The following FRYL variants were observed in gnomAD, a reference collection of about 807,000 sequenced individuals.
FRYL encodes the protein protein furry homolog-like.
Under a neutral mutation model 351.2 loss-of-function variants are expected in FRYL, and 150 were observed. The ratio of observed to expected loss-of-function variants is 0.43; its 90% CI spans 0.37 to 0.49. The LOEUF (loss-of-function observed/expected upper bound fraction) is 0.49, where lower values mean the gene tolerates loss of function less well. FRYL is among the 20% of genes least tolerant of loss of function. FRYL has a pLI of 0.00. For missense variants in FRYL, 3,036 were observed against 3,619.3 expected, an observed-to-expected ratio of 0.84 and a Z score of 4.13; for synonymous variants, 1,153 against 1,257.1, an observed-to-expected ratio of 0.92 and a Z score of 1.75.
In FRYL at chr4:48,742,433, T is replaced by A. The variant is rs1346484705; in HGVS notation, c.-383-31735A>T. ...CTCAATCTTCATTCCTAGTTCTTAC[T>A]CTCCCAACTTCATCATGTTGGATGC... is the stretch of plus-strand genomic sequence containing the variant. On this transcript the variant is annotated intron_variant, in intron 1 of 63. Coordinates refer to ENST00000358350, the MANE Select transcript of FRYL (RefSeq NM_015030.2). Among the ~76,000 whole-genome samples the A allele has an allele frequency of 2.0e-5, 3 of 152,296 alleles. No individual in the cohort carries two copies. The East Asian group carries it at 5.8e-4, about 29-fold the overall frequency.
intron 3 of FRYL, among the ~76,000 whole-genome samples, chr4:48,652,957 T>A (rs1031851104): frequency 6.6e-6 from 1 of 152,224 alleles, no homozygotes; most frequent in Non-Finnish European, 1.5e-5. Context: ...TAATAGAACC[T>A]GTGTTTACTT....
chr4:48,592,082 TTATATATATATATATA>T (rs56320005), intron 16 of FRYL, among the ~76,000 whole-genome samples: 4,009 of 116,206 alleles, frequency 0.034, 234 homozygotes, highest in Admixed American at 0.053. Context: ...AATAAAGCTC[TTATATATATATATATA>T]TATATATATA....
intron 1 of FRYL, among the ~76,000 whole-genome samples, chr4:48,745,535 T>C (rs1286294385): frequency 6.6e-6 from 1 of 151,828 alleles, no homozygotes; most frequent in African/African-American, 2.4e-5. Flanking sequence ...TTCTCACTCA[T>C]AGGTGGGAAC....
At chr4:48,603,236 C>A in intron 12 of FRYL, 54 bp downstream of exon 12, 2 of 1,163,682 alleles carry the variant, frequency 1.7e-6, no homozygotes, top group South Asian at 1.3e-5. Flanking sequence ...ATTCATAAAT[C>A]AATTACTAAA....
At chr4:48,679,324 C>T (rs1197729435) in intron 3 of FRYL, among the ~76,000 whole-genome samples, 2 of 151,868 alleles carry the variant, frequency 1.3e-5, no homozygotes, top group East Asian at 1.9e-4. Context: ...TATTCTTTTA[C>T]GTAACTGGTA....
chr4:48,576,616 T>TAG (rs967818494), intron 23 of FRYL, among the ~76,000 whole-genome samples: 9 of 152,148 alleles, frequency 5.9e-5, no homozygotes, highest in African/African-American at 2.2e-4. Context: ...TAATGCTAAT[T>TAG]AGAGAGATGG....
At chr4:48,708,951 C>T (rs1767707212) in intron 2 of FRYL, among the ~76,000 whole-genome samples, 1 of 136,248 alleles carries the variant, frequency 7.3e-6, no homozygotes, top group South Asian at 2.3e-4. Context: ...GAGATGGAGT[C>T]TCACTCTGTC....
At chr4:48,573,352 C>T (rs1005747617) in intron 25 of FRYL, 109 bp from the exon 26 acceptor site, 10 of 676,242 alleles carry the variant, frequency 1.5e-5, no homozygotes, top group African/African-American at 1.1e-4. Context: ...TCCAATCCTA[C>T]TGTTTTAAAC....
chr4:48,545,009 T>C lies in FRYL; in HGVS notation c.5280-105A>G, dbSNP rs573813632. On this transcript the variant is annotated intron_variant, in intron 42 of 63. Transcript: ENST00000358350. Reference sequence around the variant, plus strand: ...CCTTTACAATTAGAAAGGATGGTAGTTGAATAAATAGGTCACAGTCTACTA... The same window carrying C: ...CCTTTACAATTAGAAAGGATGGTAGCTGAATAAATAGGTCACAGTCTACTA... 6.0e-5 allele frequency: 72 copies of C among 1,202,282 alleles called. 1 individual carries two copies. In the African/African-American group the frequency reaches 1.0e-3, roughly 17 times the overall value. 74.5% of individuals were successfully genotyped at this position (1,202,282 alleles called of 1,614,324 possible). A position where few individuals can be genotyped will look rare whatever the true frequency, so the allele number is the denominator to read the frequency against.
chr4:48,667,671 A>G (rs1578631772), intron 3 of FRYL, among the ~76,000 whole-genome samples: 1 of 151,844 alleles, frequency 6.6e-6, no homozygotes, highest in Non-Finnish European at 1.5e-5. Flanking sequence ...TTTTGGAGAC[A>G]GGATCTTGCT....
intron 27 of FRYL, among the ~76,000 whole-genome samples, chr4:48,570,547 G>A (rs1393774982): frequency 6.6e-6 from 1 of 152,120 alleles, no homozygotes; most frequent in African/African-American, 2.4e-5. Context: ...CTGTCCACTT[G>A]CCAAGATAAC....
chr4:48,675,322 C>T (rs1360095383), intron 3 of FRYL, among the ~76,000 whole-genome samples: 1 of 152,228 alleles, frequency 6.6e-6, no homozygotes, highest in Non-Finnish European at 1.5e-5. Flanking sequence ...ACTCCCTCAC[C>T]TTGCAGGGAG....
rs3838234 is a variant in FRYL at position 48,535,586 on chromosome 4, TAC to T, written c.6564+69_6564+70del. On this transcript the variant is annotated intron_variant, in intron 48 of 63. Coordinates refer to ENST00000358350, the MANE Select transcript of FRYL (RefSeq NM_015030.2). ...ATATATATGTGTATATATATACACA[TAC>T]ACACACACACACACACACACACACA... The T allele has an allele frequency of 9.5e-3, 4,331 of 457,484 alleles. 4 individuals carry two copies. Among genetic ancestry groups the T allele is most frequent in the Non-Finnish European group, 0.012 (3,213 of 271,080 alleles). The allele number at this position is 457,484 out of a possible 1,614,324, so 28.3% of individuals were successfully genotyped here.
rs34675617 is a variant in FRYL, at chr4:48,702,455, CAAAAAAAAAAAAAAAAAAAAAAA to C, written c.-204+8041_-204+8063del. Among the ~76,000 whole-genome samples the C allele has an allele frequency of 4.1e-4, 12 of 29,450 alleles. No homozygotes were observed. In the South Asian group the frequency reaches 0.01, roughly 26 times the overall value. 19.3% of individuals were successfully genotyped at this position (29,450 alleles called of 152,430 possible). On this transcript the variant is annotated intron_variant, in intron 2 of 63. Transcript: ENST00000358350. ...TGGGTGACAGGGTGAGACTCTGTCT[CAAAAAAAAAAAAAAAAAAAAAAA>C]AAAAAAAAAAAAAAATGCTGGGCGC... is the stretch of plus-strand genomic sequence containing the variant.
intron 1 of FRYL, among the ~76,000 whole-genome samples, chr4:48,775,676 G>C (rs1014035297): frequency 3.3e-5 from 5 of 152,036 alleles, no homozygotes; most frequent in Non-Finnish European, 5.9e-5. Flanking sequence ...GTGCCCGCTG[G>C]GAGTCTCAAA....
intron 59 of FRYL, among the ~76,000 whole-genome samples, chr4:48,509,471 T>A (rs1722025407): frequency 6.6e-6 from 1 of 152,222 alleles, no homozygotes; most frequent in Admixed American, 6.5e-5. Flanking sequence ...GAAAGACCCA[T>A]CTAGAAAAAT....
At chr4:48,535,857 C>A in intron 47 of FRYL, 30 bp from the exon 48 acceptor site, 2 of 1,432,334 alleles carry the variant, frequency 1.4e-6, no homozygotes, top group Non-Finnish European at 9.3e-7. Context: ...ATTTCATTCA[C>A]CTAAAATAAA....
intron 3 of FRYL, among the ~76,000 whole-genome samples, chr4:48,666,945 T>C (rs574522828): frequency 1.2e-3 from 189 of 152,260 alleles, no homozygotes; most frequent in African/African-American, 4.3e-3. Context: ...ATGATTTACT[T>C]TGTAATAACT....
Position 48,540,039 on chromosome 4 carries a change from G to T in FRYL, c.6325C>A (p.Pro2109Thr). ...GFPLNILCLL[P>T]HLIQHFDSPT... is the part of the protein sequence containing the mutation. ...CTGTCAAAATGCTGGATTAAGTGAG[G>T]CAATAAGCAAAGGATGTTAAGAGGA... is the stretch of plus-strand genomic sequence containing the variant. The change falls in exon 47 of 64, where the codon CCT becomes ACT. Residue 2109 changes from proline to threonine, a missense_variant. Physicochemically the swap from Pro to Thr is conservative, Grantham distance 38. This residue lies in a region of FRYL where 1,987 missense variants were observed against 2,311.7 expected (regional missense o/e 0.86). Transcript: ENST00000358350. 6.2e-7 allele frequency: 1 copy of T among 1,612,900 alleles called. No homozygotes were observed. Among genetic ancestry groups the T allele is most frequent in the Admixed American group, 1.7e-5 (1 of 59,928 alleles).
Sources: allele counts gnomAD v4.1 joint callset (sites outside exome capture counted in the v4.1 genomes callset), GRCh38; gene constraint gnomAD v4.1.1; regional missense constraint gnomAD v4.1.1; transcripts MANE v1.5; gene names NCBI Gene and HGNC (gene_info 2026-07-23, HGNC 2026-07-21).